The following KCTD16 variants were observed in gnomAD, a reference collection of about 807,000 sequenced individuals.
The protein encoded by KCTD16 is potassium channel tetramerization domain containing 16.
A neutral mutation model predicts 33.2 loss-of-function variants in KCTD16; 13 were observed. The ratio of observed to expected loss-of-function variants is 0.39; its 90% CI spans 0.25 to 0.62. The LOEUF (loss-of-function observed/expected upper bound fraction) is 0.62, where lower values mean the gene tolerates loss of function less well. KCTD16 is among the 20% of genes least tolerant of loss of function. The probability of loss-of-function intolerance (pLI) is 0.50; values close to 1 mark genes in which losing one functional copy is unlikely to be tolerated. For synonymous variants in KCTD16, 197 were observed against 195.3 expected (o/e 1.01, Z -0.07); for missense variants, 441 against 525.1 (o/e 0.84, Z 1.57).
intron 3 of KCTD16, among the ~76,000 whole-genome samples, chr5:144,328,957 T>A (rs1052693137): frequency 1.3e-5 from 2 of 152,014 alleles, no homozygotes; most frequent in Non-Finnish European, 2.9e-5. Flanking sequence ...TGATTTTAAA[T>A]CTGTATTTAA....
At chr5:144,408,710 C>T (rs971430056) in intron 3 of KCTD16, among the ~76,000 whole-genome samples, 1 of 152,198 alleles carries the variant, frequency 6.6e-6, no homozygotes, top group Non-Finnish European at 1.5e-5. Context: ...CCTTGGCCTA[C>T]TGGGCTCTTT....
intron 3 of KCTD16, among the ~76,000 whole-genome samples, chr5:144,307,288 G>C (rs376520945): frequency 6.6e-6 from 1 of 152,030 alleles, no homozygotes; most frequent in African/African-American, 2.4e-5. Flanking sequence ...AGTTATCATC[G>C]TATAGTCTTT....
intron 3 of KCTD16, among the ~76,000 whole-genome samples, chr5:144,469,795 C>T (rs349682): frequency 0.73 from 110,095 of 151,656 alleles, 40,280 homozygotes; most frequent in East Asian, 0.93. Context: ...AGCTCATTCA[C>T]TGATTATTCA....
At chr5:144,239,593 C>A (rs1345523501) in intron 3 of KCTD16, among the ~76,000 whole-genome samples, 1 of 152,100 alleles carries the variant, frequency 6.6e-6, no homozygotes, top group Non-Finnish European at 1.5e-5. Flanking sequence ...TCACCAGATT[C>A]TCCTAGAAAC....
In KCTD16 at chr5:144,220,935, C is replaced by T. The variant is rs1192238268; in HGVS notation, c.832+13389C>T. On this transcript the variant is annotated intron_variant, in intron 3 of 3. Coordinates refer to ENST00000512467, the MANE Select transcript of KCTD16 (RefSeq NM_020768.4). ...CAGCCTGGGCGACAGAGCGAGACTA[C>T]GTCTCAAAAAAAAAAAAGAAGAAGA... 8.4e-5 allele frequency among the ~76,000 whole-genome samples: 12 copies of T among 143,434 alleles called. No individual in the cohort carries two copies. In the East Asian group the frequency reaches 1.8e-3, roughly 22 times the overall value. 94.1% of individuals were successfully genotyped at this position (143,434 alleles called of 152,430 possible). A position where few individuals can be genotyped will look rare whatever the true frequency, so the allele number is the denominator to read the frequency against.
rs150713689 is a variant in KCTD16 at position 144,207,459 on chromosome 5, G to A, written c.745G>A (p.Ala249Thr). 3.3e-3 allele frequency: 5,283 copies of A among 1,614,168 alleles called. 10 individuals carry two copies. The highest frequency in any genetic ancestry group is 4.1e-3 in the Non-Finnish European group (4,844 of 1,180,024). The change falls in exon 3 of 4, where the codon GCC (alanine) becomes ACC (threonine). Residue 249 changes from alanine (A) to threonine (T), a missense_variant. By Grantham distance (58) the Ala-to-Thr change is moderately conservative (BLOSUM62 0). Coordinates refer to ENST00000512467, the MANE Select transcript of KCTD16 (RefSeq NM_020768.4). The stretch of plus-strand genomic sequence containing the variant: ...GTCAGAGTGTGGATTCCACATGGTG[G>A]CCTGTAACTCATCGGTGACAGCATC... ...MLSECGFHMV[A>T]CNSSVTASFI...
At chr5:144,442,745 C>T (rs1248497441) in intron 3 of KCTD16, among the ~76,000 whole-genome samples, 1 of 152,070 alleles carries the variant, frequency 6.6e-6, no homozygotes, top group Non-Finnish European at 1.5e-5. Context: ...CTCTGTTTCA[C>T]TTAAGTTCAG....
chr5:144,183,984 T>C (rs1230761998), intron 2 of KCTD16, among the ~76,000 whole-genome samples: 5 of 152,222 alleles, frequency 3.3e-5, no homozygotes, highest in Non-Finnish European at 5.9e-5. Context: ...GTCATTAGGT[T>C]TGTTACATTA....
intron 3 of KCTD16, among the ~76,000 whole-genome samples, chr5:144,317,736 T>C (rs1002671939): frequency 9.2e-5 from 14 of 152,212 alleles, no homozygotes; most frequent in Admixed American, 6.5e-4. Flanking sequence ...CTGGATGGCT[T>C]ATCTCCTAAA....
chr5:144,342,293 C>T (rs1479106830), intron 3 of KCTD16, among the ~76,000 whole-genome samples: 1 of 152,144 alleles, frequency 6.6e-6, no homozygotes, highest in Non-Finnish European at 1.5e-5. Context: ...TCCTTCACGT[C>T]CCTTGTAAGT....
chr5:144,257,940 A>T (rs960781033), intron 3 of KCTD16, among the ~76,000 whole-genome samples: 1 of 152,156 alleles, frequency 6.6e-6, no homozygotes, highest in South Asian at 2.1e-4. Context: ...AGCTTTTTCG[A>T]TAAGTTATAA....
intron 3 of KCTD16, among the ~76,000 whole-genome samples, chr5:144,348,594 G>A (rs1752868689): frequency 6.6e-6 from 1 of 152,192 alleles, no homozygotes; most frequent in African/African-American, 2.4e-5. Context: ...CCCTGTTTGA[G>A]AAGCCCTGTA....
chr5:144,395,691 G>A (rs188518410), intron 3 of KCTD16, among the ~76,000 whole-genome samples: 62 of 152,254 alleles, frequency 4.1e-4, no homozygotes, highest in Admixed American at 2.5e-3. Flanking sequence ...CCAGGTAGTC[G>A]TTTTGGGGAG....
chr5:144,479,427 A>G lies in KCTD16; in HGVS notation c.*5313A>G, dbSNP rs576028454. 6.6e-6 allele frequency: 1 copy of G among 151,820 alleles called. No individual in the cohort carries two copies. The highest frequency in any genetic ancestry group is 1.9e-4 in the East Asian group (1 of 5,138). The allele number at this position is 151,820 out of a possible 1,614,324, so 9.4% of individuals were successfully genotyped here. A position where few individuals can be genotyped will look rare whatever the true frequency, so the allele number is the denominator to read the frequency against. On this transcript the variant is annotated 3_prime_UTR_variant, in exon 4 of 4. Transcript: ENST00000512467. ...GAAAGAGTGAATTCAAAAGGGTTTC[A>G]ATGATCCAATTGACCCTATTCATTT... is the stretch of plus-strand genomic sequence containing the variant.
At chr5:144,467,358 G>C (rs962877624) in intron 3 of KCTD16, among the ~76,000 whole-genome samples, 6 of 151,934 alleles carry the variant, frequency 3.9e-5, no homozygotes, top group African/African-American at 1.5e-4. Flanking sequence ...TTTGCTGTCT[G>C]TACACAGCAG....
chr5:144,289,428 T>C (rs1755834532), intron 3 of KCTD16, among the ~76,000 whole-genome samples: 1 of 152,222 alleles, frequency 6.6e-6, no homozygotes, highest in Non-Finnish European at 1.5e-5. Flanking sequence ...AGATTGCTTA[T>C]CACTCATCTT....
intron 3 of KCTD16, among the ~76,000 whole-genome samples, chr5:144,214,094 C>G (rs532245145): frequency 6.6e-6 from 1 of 152,284 alleles, no homozygotes; most frequent in South Asian, 2.1e-4. Flanking sequence ...AGCTTCTTCT[C>G]TAAATGGCAT....
chr5:144,363,591 T>C (rs1751767666), intron 3 of KCTD16, among the ~76,000 whole-genome samples: 1 of 152,080 alleles, frequency 6.6e-6, no homozygotes, highest in African/African-American at 2.4e-5. Context: ...TAAGTTCAAA[T>C]GATCTCTGCT....
intron 3 of KCTD16, among the ~76,000 whole-genome samples, chr5:144,442,246 T>C (rs976501297): frequency 6.6e-6 from 1 of 152,122 alleles, no homozygotes; most frequent in Non-Finnish European, 1.5e-5. Context: ...TTTCAGCTTC[T>C]GTTGATGTGT....
Sources: allele counts gnomAD v4.1 joint callset (sites outside exome capture counted in the v4.1 genomes callset), GRCh38; gene constraint gnomAD v4.1.1; transcripts MANE v1.5; gene names NCBI Gene and HGNC (gene_info 2026-07-23, HGNC 2026-07-21).